PRKAB1: variants seen among roughly 807,000 people sequenced by gnomAD.
PRKAB1 encodes protein kinase AMP-activated non-catalytic subunit beta 1.
Under a neutral mutation model 32.0 loss-of-function variants are expected in PRKAB1, and 18 were observed. The observed-to-expected ratio is 0.56, with a 90% CI of 0.39 to 0.83. The LOEUF (loss-of-function observed/expected upper bound fraction) is 0.83, where lower values mean the gene tolerates loss of function less well. PRKAB1 is among the 40% of genes least tolerant of loss of function. PRKAB1 has a pLI of 0.00. For missense variants in PRKAB1, 263 were observed against 352.6 expected (o/e 0.75, Z 2.03); for synonymous variants, 141 against 141.4 (o/e 1.00, Z 0.02).
chr12:119,680,265 C>G lies in PRKAB1; in HGVS notation c.753C>G (p.Leu251=). ...TTCCTTAGGATGGAGTGATGGTGCT[C>G]AGCGCAACCCACCGGTACAAGAAGA... ...ALSIKDGVMV[L]SATHRYKKKY... The change falls in exon 7 of 7, where the codon CTC becomes CTG. Residue 251 remains leucine (L), a synonymous_variant. Coordinates refer to ENST00000229328, the MANE Select transcript of PRKAB1 (RefSeq NM_006253.5). The G allele has an allele frequency of 6.2e-7, 1 of 1,614,026 alleles. No homozygotes were observed. Among genetic ancestry groups the G allele is most frequent in the Non-Finnish European group, 8.5e-7 (1 of 1,179,974 alleles).
Position 119,674,526 on chromosome 12 carries a change from T to C in PRKAB1, c.532+72T>C, listed in dbSNP as rs1955409138. 1 of 1,116,774 alleles carries C rather than the reference T, an allele frequency of 9.0e-7. No homozygotes were observed. The highest frequency in any genetic ancestry group is 1.3e-6 in the Non-Finnish European group (1 of 767,506). The allele number at this position is 1,116,774 out of a possible 1,614,324, so 69.2% of individuals were successfully genotyped here. ...TACAGTCTAGACATACTCTTGTTTC[T>C]CTTGCCTCTCTTGAGCTGAAGCTGC... is the stretch of plus-strand genomic sequence containing the variant. On this transcript the variant is annotated intron_variant, in intron 4 of 6. Transcript: ENST00000229328. The surrounding 1 kb of genome is among the most constrained non-coding windows in gnomAD (Gnocchi z 4.3).
rs143123203 is a variant in PRKAB1, at chr12:119,674,487, G to C, written c.532+33G>C. Reference sequence around the variant, plus strand: ...CACAGTTATTTTATACCACATGCGTGCAGGTGGGGGCTGTACAGTCTAGAC... The same window carrying C: ...CACAGTTATTTTATACCACATGCGTCCAGGTGGGGGCTGTACAGTCTAGAC... On this transcript the variant is annotated intron_variant, in intron 4 of 6. Coordinates refer to ENST00000229328, the MANE Select transcript of PRKAB1 (RefSeq NM_006253.5). This position sits in a 1 kb window ranked among gnomAD's most constrained non-coding sequence, Gnocchi z 4.3. 56 of 1,479,714 alleles carry C rather than the reference G, an allele frequency of 3.8e-5. No individual in the cohort carries two copies. In the African/African-American group the frequency reaches 5.9e-4, roughly 16 times the overall value. The allele number at this position is 1,479,714 out of a possible 1,614,324, so 91.7% of individuals were successfully genotyped here. A position where few individuals can be genotyped will look rare whatever the true frequency, so the allele number is the denominator to read the frequency against.
chr12:119,680,111 C>A, intron 6 of PRKAB1, 110 bp downstream of exon 6: 1 of 1,489,192 alleles, frequency 6.7e-7, no homozygotes, highest in Non-Finnish European at 9.3e-7. Flanking sequence ...CTTCCAGGGT[C>A]TGGCACAGGC....
In PRKAB1 at chr12:119,672,518, C is replaced by T. The variant is rs2136852890; in HGVS notation, c.323+54C>T. On this transcript the variant is annotated intron_variant, in intron 2 of 6. Coordinates refer to ENST00000229328, the MANE Select transcript of PRKAB1 (RefSeq NM_006253.5). ...TGTCTTAACATAAATTCTCTTCTTT[C>T]TAAAACATCTCTGAGAGAGAACAGA... is the stretch of plus-strand genomic sequence containing the variant. The T allele has an allele frequency of 4.2e-6, 6 of 1,428,776 alleles. No individual in the cohort carries two copies. In the South Asian group the frequency reaches 9.3e-5, roughly 22 times the overall value. The allele number at this position is 1,428,776 out of a possible 1,614,324, so 88.5% of individuals were successfully genotyped here.
At chr12:119,671,010 T>C (rs1955384243) in intron 1 of PRKAB1, among the ~76,000 whole-genome samples, 1 of 152,206 alleles carries the variant, frequency 6.6e-6, no homozygotes, top group Middle Eastern at 3.2e-3. Flanking sequence ...ATCTAAAAGG[T>C]GCATGACTAC....
chr12:119,679,343 A>G lies in PRKAB1; in HGVS notation c.667-590A>G, dbSNP rs1252564772. ...ATCCTAAGCCTACAGCAGTTGTTCT[A>G]CACTTTTTTCCATTTGAATTGCATT... On this transcript the variant is annotated intron_variant, in intron 5 of 6. Coordinates refer to ENST00000229328, the MANE Select transcript of PRKAB1 (RefSeq NM_006253.5). This position sits in a 1 kb window ranked among gnomAD's most constrained non-coding sequence, Gnocchi z 4.1. The G allele has an allele frequency of 1.3e-5, 2 of 153,524 alleles. No homozygotes were observed. Among genetic ancestry groups the G allele is most frequent in the Non-Finnish European group, 2.9e-5 (2 of 69,008 alleles). The allele number at this position is 153,524 out of a possible 1,614,324, so 9.5% of individuals were successfully genotyped here. A position where few individuals can be genotyped will look rare whatever the true frequency, so the allele number is the denominator to read the frequency against.
chr12:119,675,640 C>T (rs1434902468), intron 4 of PRKAB1, among the ~76,000 whole-genome samples: 4 of 152,238 alleles, frequency 2.6e-5, no homozygotes, highest in African/African-American at 9.6e-5. Flanking sequence ...TCTGTTTCGA[C>T]ACTTACTTCC....
chr12:119,673,123 G>A lies in PRKAB1; in HGVS notation c.323+659G>A, dbSNP rs186910150. On this transcript the variant is annotated intron_variant, in intron 2 of 6. Transcript: ENST00000229328. ...TGCACACCTGTATCCCCAGCTACTCGGGAGGCTGAGATGGGAGGATTGTTT... is the reference window on the plus strand; with the variant it reads ...TGCACACCTGTATCCCCAGCTACTCAGGAGGCTGAGATGGGAGGATTGTTT... Among the ~76,000 whole-genome samples, 10 of 152,270 alleles carry A rather than the reference G, an allele frequency of 6.6e-5. No homozygotes were observed. In the East Asian group the frequency reaches 1.4e-3, roughly 21 times the overall value.
At position 119,668,340 on chromosome 12, in the gene PRKAB1, C is replaced by T. The variant is rs373680495; in HGVS notation, c.96C>T (p.Asp32=). The T allele has an allele frequency of 6.2e-7, 1 of 1,613,290 alleles. No homozygotes were observed. Among genetic ancestry groups the T allele is most frequent in the Non-Finnish European group, 8.5e-7 (1 of 1,179,682 alleles). Residue 32 remains aspartate (D), a synonymous_variant, in exon 1 of 7, where the codon GAC becomes GAT. Transcript: ENST00000229328. ...RDSSGGTKDG[D]RPKILMDSPE... ...GCTCGGGGGGCACCAAGGACGGGGACAGGCCCAAGATCCTGATGGACAGCC... is the reference window on the plus strand; with the variant it reads ...GCTCGGGGGGCACCAAGGACGGGGATAGGCCCAAGATCCTGATGGACAGCC...
Position 119,681,464 on chromosome 12 carries a change from C to T in PRKAB1, c.*1139C>T, listed in dbSNP as rs1017022022. 1.3e-5 allele frequency: 2 copies of T among 152,264 alleles called. No individual in the cohort carries two copies. The highest frequency in any genetic ancestry group is 4.8e-5 in the African/African-American group (2 of 41,422). The allele number at this position is 152,264 out of a possible 1,614,324, so 9.4% of individuals were successfully genotyped here. On this transcript the variant is annotated 3_prime_UTR_variant, in exon 7 of 7. Transcript: ENST00000229328. ...GAGTCAGCGGAAGCTCCCGTTATGC[C>T]CTTTGCTCCTGGTGGGAGAGGGAGG...
At chr12:119,668,050 A>G, upstream of PRKAB1, 1 of 626,702 alleles carries the variant, frequency 1.6e-6, no homozygotes, top group South Asian at 2.6e-5. Flanking sequence ...GGGCAGGTAA[A>G]GCGCGATTGC....
Position 119,674,777 on chromosome 12 carries a change from T to C in PRKAB1, c.532+323T>C, listed in dbSNP as rs1955410682. On this transcript the variant is annotated intron_variant, in intron 4 of 6. Transcript: ENST00000229328. This position sits in a 1 kb window ranked among gnomAD's most constrained non-coding sequence, Gnocchi z 4.3. ...GCCCTGGAGGGTGGCACTGAGTCAG[T>C]GACAGCCCAGCACTGGGGAAGCCTG... 6.6e-6 allele frequency among the ~76,000 whole-genome samples: 1 copy of C among 152,214 alleles called. No individual in the cohort carries two copies. The highest frequency in any genetic ancestry group is 2.1e-4 in the South Asian group (1 of 4,832).
In PRKAB1 at chr12:119,679,998, C is replaced by A. The variant is rs1358000632; in HGVS notation, c.732C>A (p.Ile244=). 2 of 1,612,620 alleles carry A rather than the reference C, an allele frequency of 1.2e-6. 1 individual carries two copies. The highest frequency in any genetic ancestry group is 4.5e-5 in the East Asian group (2 of 44,878). ...VMLNHLYALS[I]KDGVMVLSAT... is the part of the protein sequence containing the mutation. ...TGAACCACCTATACGCGCTGTCTAT[C>A]AAGGTAATGACATGTCTGTCCCCAT... The change falls in exon 6 of 7, where the codon ATC becomes ATA. Residue 244 remains isoleucine (I), a synonymous_variant. Transcript: ENST00000229328. This position sits in a 1 kb window ranked among gnomAD's most constrained non-coding sequence, Gnocchi z 4.1.
At chr12:119,675,567 C>T (rs563711332) in intron 4 of PRKAB1, among the ~76,000 whole-genome samples, 1 of 152,304 alleles carries the variant, frequency 6.6e-6, no homozygotes, top group East Asian at 1.9e-4. Flanking sequence ...GTCAAATTTC[C>T]ACCTAGGGAA....
rs1195908214 is a variant in PRKAB1, at chr12:119,672,346, G to T, written c.205G>T (p.Val69Leu). The T allele has an allele frequency of 1.2e-6, 2 of 1,613,044 alleles. No individual in the cohort carries two copies. Among genetic ancestry groups the T allele is most frequent in the East Asian group, 4.5e-5 (2 of 44,824 alleles). ...CCTGGCCTGGCAGCATGATCTGGAA[G>T]TGAATGATAAAGCTCCCGCCCAGGC... ...EFLAWQHDLE[V>L]NDKAPAQARP... is the part of the protein sequence containing the mutation. The change falls in exon 2 of 7, where the codon GTG becomes TTG. Residue 69 changes from valine (V) to leucine (L), a missense_variant. Physicochemically the swap from Val to Leu is conservative, Grantham distance 32. Coordinates refer to ENST00000229328, the MANE Select transcript of PRKAB1 (RefSeq NM_006253.5).
chr12:119,680,295 C>T lies in PRKAB1; in HGVS notation c.783C>T (p.Tyr261=), dbSNP rs777539482. The T allele has an allele frequency of 1.2e-5, 19 of 1,614,016 alleles. No individual in the cohort carries two copies. The highest frequency in any genetic ancestry group is 1.6e-4 in the Middle Eastern group (1 of 6,084). The change falls in exon 7 of 7, where the codon TAC becomes TAT. Residue 261 remains tyrosine (Y), a synonymous_variant. Transcript: ENST00000229328. The part of the protein sequence containing the change: ...LSATHRYKKK[Y]VTTLLYKPI ...CAACCCACCGGTACAAGAAGAAGTACGTCACCACCTTGTTATACAAGCCCA... is the reference window on the plus strand; with the variant it reads ...CAACCCACCGGTACAAGAAGAAGTATGTCACCACCTTGTTATACAAGCCCA...
chr12:119,676,785 G>T, intron 5 of PRKAB1, 115 bp downstream of exon 5: 1 of 1,356,626 alleles, frequency 7.4e-7, no homozygotes, highest in Non-Finnish European at 1.0e-6. Context: ...TCACCCCCTA[G>T]TGTGAACTGT....
chr12:119,668,960 C>G (rs1401730003), intron 1 of PRKAB1, among the ~76,000 whole-genome samples: 1 of 151,920 alleles, frequency 6.6e-6, no homozygotes, highest in East Asian at 2.0e-4. Flanking sequence ...AGACGGTGGT[C>G]TCACTAATTA....
rs1955451789 is a variant in PRKAB1 at position 119,679,962 on chromosome 12, T to C, written c.696T>C (p.Asn232=). The part of the protein sequence containing the change: ...SCDPALLPEP[N]HVMLNHLYAL... ...ATCCAGCTTTGCTTCCTGAGCCCAA[T>C]CACGTCATGCTGAACCACCTATACG... Residue 232 remains asparagine (N), a synonymous_variant, in exon 6 of 7, where the codon AAT becomes AAC. Transcript: ENST00000229328. This position sits in a 1 kb window ranked among gnomAD's most constrained non-coding sequence, Gnocchi z 4.1. 1 of 1,614,176 alleles carries C rather than the reference T, an allele frequency of 6.2e-7. No individual in the cohort carries two copies.
Sources: gnomAD v4.1 joint callset for allele counts (sites outside exome capture counted in the v4.1 genomes callset) on GRCh38, gnomAD v4.1.1 for gene constraint, Gnocchi (gnomAD v3.1) non-coding constraint, MANE v1.5 for transcripts, NCBI Gene and HGNC (gene_info 2026-07-23, HGNC 2026-07-21) for gene names.